The following L3MBTL4 variants were observed in gnomAD, a reference collection of about 807,000 sequenced individuals.
L3MBTL4 encodes the protein L3MBTL histone methyl-lysine binding protein 4, also known as lethal(3)malignant brain tumor-like protein 4.
Under a neutral mutation model 84.5 loss-of-function variants are expected in L3MBTL4, and 70 were observed. The ratio of observed to expected loss-of-function variants is 0.83; its 90% CI spans 0.68 to 1.01. The LOEUF is 1.01. Among genes scored for constraint, L3MBTL4 ranks in the 50% least tolerant of loss-of-function variants. The pLI is 0.00. For missense variants in L3MBTL4, 715 were observed against 754.8 expected, an observed-to-expected ratio of 0.95 and a Z score of 0.62; for synonymous variants, 274 against 259.8, an observed-to-expected ratio of 1.05 and a Z score of -0.52.
At chr18:6,202,681 G>A (rs1362431762) in intron 12 of L3MBTL4, among the ~76,000 whole-genome samples, 2 of 152,142 alleles carry the variant, frequency 1.3e-5, no homozygotes, top group Non-Finnish European at 2.9e-5. Context: ...GTAACTCTGA[G>A]ATGGGTAGAC....
At chr18:6,129,225 G>T (rs909547612) in intron 14 of L3MBTL4, among the ~76,000 whole-genome samples, 1 of 152,144 alleles carries the variant, frequency 6.6e-6, no homozygotes, top group African/African-American at 2.4e-5. Flanking sequence ...CAGAAGGGGT[G>T]TCTTAAGTCT....
intron 13 of L3MBTL4, among the ~76,000 whole-genome samples, chr18:6,141,522 C>A (rs1165730790): frequency 6.6e-6 from 1 of 152,172 alleles, no homozygotes; most frequent in Non-Finnish European, 1.5e-5. Context: ...CCCTAGCCTT[C>A]TTCTCCCGTA....
intron 17 of L3MBTL4, among the ~76,000 whole-genome samples, chr18:5,965,863 T>C (rs2052328356): frequency 6.6e-6 from 1 of 151,996 alleles, no homozygotes; most frequent in African/African-American, 2.4e-5. Flanking sequence ...ATGAAAATGG[T>C]TTTCCCTGGA....
At chr18:6,148,739 C>G (rs1464541863) in intron 13 of L3MBTL4, among the ~76,000 whole-genome samples, 1 of 151,936 alleles carries the variant, frequency 6.6e-6, no homozygotes, top group African/African-American at 2.4e-5. Context: ...CCATAAAGCA[C>G]AGAATTTTAA....
At chr18:6,401,977 T>C (rs540498547) in intron 1 of L3MBTL4, among the ~76,000 whole-genome samples, 5 of 152,360 alleles carry the variant, frequency 3.3e-5, no homozygotes, top group Non-Finnish European at 7.3e-5. Context: ...GAGACATAAC[T>C]TTCAAGCTAG....
chr18:6,349,968 T>C (rs1221037922), intron 1 of L3MBTL4, among the ~76,000 whole-genome samples: 1 of 152,240 alleles, frequency 6.6e-6, no homozygotes, highest in African/African-American at 2.4e-5. Context: ...TCTTACATTA[T>C]ACATACATTT....
At chr18:6,111,279 G>T (rs2059188734) in intron 14 of L3MBTL4, among the ~76,000 whole-genome samples, 2 of 152,268 alleles carry the variant, frequency 1.3e-5, no homozygotes, top group South Asian at 4.1e-4. Context: ...ACAACTCTGT[G>T]AATTCATTAA....
At chr18:6,165,128 A>C (rs1049885288) in intron 13 of L3MBTL4, among the ~76,000 whole-genome samples, 2 of 152,212 alleles carry the variant, frequency 1.3e-5, no homozygotes, top group Non-Finnish European at 2.9e-5. Context: ...AGAAGTTTAG[A>C]GAAAAAAGAA....
At chr18:6,351,154 C>CCACTG (rs113062430) in intron 1 of L3MBTL4, among the ~76,000 whole-genome samples, 1,697 of 152,256 alleles carry the variant, frequency 0.011, 42 homozygotes, top group African/African-American at 0.039. Flanking sequence ...CAAAATCACG[C>CCACTG]CACTGCACTC....
At chr18:6,327,520 C>A (rs141385962) in intron 1 of L3MBTL4, among the ~76,000 whole-genome samples, 1 of 151,916 alleles carries the variant, frequency 6.6e-6, no homozygotes, top group East Asian at 1.9e-4. Context: ...TGATACATGC[C>A]ATATATCATT....
intron 1 of L3MBTL4, among the ~76,000 whole-genome samples, chr18:6,359,226 A>G (rs1015424816): frequency 6.6e-6 from 1 of 152,228 alleles, no homozygotes; most frequent in Admixed American, 6.5e-5. Flanking sequence ...TTGGGAAGCC[A>G]AAGTAGACAG....
At chr18:6,236,647 A>G (rs982642618) in intron 10 of L3MBTL4, among the ~76,000 whole-genome samples, 2 of 152,248 alleles carry the variant, frequency 1.3e-5, no homozygotes, top group African/African-American at 2.4e-5. Context: ...ACATCATTCT[A>G]AAGTTAGTTT....
chr18:6,207,259 T>G (rs1185171754), intron 12 of L3MBTL4, among the ~76,000 whole-genome samples: 1 of 152,196 alleles, frequency 6.6e-6, no homozygotes, highest in Admixed American at 6.5e-5. Context: ...AAATATTTAC[T>G]CTCTGGCTCC....
chr18:6,166,116 C>T (rs1465644408), intron 13 of L3MBTL4, among the ~76,000 whole-genome samples: 1 of 152,186 alleles, frequency 6.6e-6, no homozygotes, highest in Non-Finnish European at 1.5e-5. Context: ...ATCAATTCAA[C>T]AAGAAGAGCT....
At chr18:5,982,167 G>C (rs369751969) in intron 16 of L3MBTL4, among the ~76,000 whole-genome samples, 1 of 152,310 alleles carries the variant, frequency 6.6e-6, no homozygotes. Flanking sequence ...CCTATTTAAA[G>C]AGAGTCCTGC....
At chr18:6,160,565 C>T (rs1156863115) in intron 13 of L3MBTL4, among the ~76,000 whole-genome samples, 3 of 152,052 alleles carry the variant, frequency 2.0e-5, no homozygotes. Flanking sequence ...AACCCAGTCT[C>T]TACTAAAAAT....
At chr18:5,957,560 A>T (rs1376918107) in intron 18 of L3MBTL4, among the ~76,000 whole-genome samples, 1 of 151,994 alleles carries the variant, frequency 6.6e-6, no homozygotes, top group Non-Finnish European at 1.5e-5. Flanking sequence ...GGCTCAGATG[A>T]TTCCTGGCTC....
chr18:6,030,413 T>C (rs2055731343), intron 16 of L3MBTL4: 1 of 985,184 alleles, frequency 1.0e-6, no homozygotes, highest in African/African-American at 1.7e-5. Context: ...CACAAACATA[T>C]ATACATCTTC....
At chr18:6,021,529 C>A (rs1019705179) in intron 16 of L3MBTL4, among the ~76,000 whole-genome samples, 1 of 152,168 alleles carries the variant, frequency 6.6e-6, no homozygotes, top group Non-Finnish European at 1.5e-5. Context: ...ATCCTGTTCC[C>A]CTTTGTAACC....
Sources: gnomAD v4.1 joint callset for allele counts (sites outside exome capture counted in the v4.1 genomes callset) on GRCh38, gnomAD v4.1.1 for gene constraint, MANE v1.5 for transcripts, NCBI Gene and HGNC (gene_info 2026-07-23, HGNC 2026-07-21) for gene names.